The following WFDC11 variants were observed in gnomAD, a reference collection of about 807,000 sequenced individuals.
WFDC11 encodes WAP four-disulfide core domain 11.
WFDC11 carries 9 observed loss-of-function variants against 9.9 expected under a neutral mutation model. The observed-to-expected ratio is 0.91, with a 90% CI of 0.55 to 1.58. WFDC11 has a LOEUF of 1.58. Among genes scored for constraint, WFDC11 ranks in the 40% most tolerant of loss-of-function variants. The pLI is 0.00. For synonymous variants in WFDC11, 32 were observed against 33.3 expected (o/e 0.96, Z 0.13); for missense variants, 106 against 101.7 (o/e 1.04, Z -0.18).
At chr20:45,652,369 G>T (rs991205606) in intron 2 of WFDC11, among the ~76,000 whole-genome samples, 1 of 152,164 alleles carries the variant, frequency 6.6e-6, no homozygotes, top group African/African-American at 2.4e-5. Context: ...TGCAGCTGAG[G>T]GTCCTGACTG....
At chr20:45,654,266 G>C (rs566947696) in intron 2 of WFDC11, among the ~76,000 whole-genome samples, 1 of 152,282 alleles carries the variant, frequency 6.6e-6, no homozygotes, top group African/African-American at 2.4e-5. Flanking sequence ...TAGAACTCAG[G>C]ATTAAGAAAC....
chr20:45,651,027 A>G (rs1982794278), intron 2 of WFDC11, among the ~76,000 whole-genome samples: 1 of 152,254 alleles, frequency 6.6e-6, no homozygotes, highest in Non-Finnish European at 1.5e-5. Context: ...TATTAAGCCC[A>G]GTACCCAACA....
Position 45,667,161 on chromosome 20 carries a change from A to G in WFDC11, c.-125T>C, listed in dbSNP as rs1983203634. ...CTCTTCTTCCTTGCCTCTAGGAACCATGGAGCCCCTGCACAGTGAGTAGGT... is the reference window on the plus strand; with the variant it reads ...CTCTTCTTCCTTGCCTCTAGGAACCGTGGAGCCCCTGCACAGTGAGTAGGT... On this transcript the variant is annotated 5_prime_UTR_variant, in exon 2 of 5. The change abolishes an upstream ATG in the 5' untranslated region. Coordinates refer to ENST00000324384, the MANE Select transcript of WFDC11 (RefSeq NM_147197.2). 6.6e-6 allele frequency: 1 copy of G among 152,202 alleles called. No homozygotes were observed. The highest frequency in any genetic ancestry group is 1.5e-5 in the Non-Finnish European group (1 of 68,042). 9.4% of individuals were successfully genotyped at this position (152,202 alleles called of 1,614,324 possible).
At chr20:45,652,352 A>G (rs1194228853) in intron 2 of WFDC11, among the ~76,000 whole-genome samples, 1 of 152,234 alleles carries the variant, frequency 6.6e-6, no homozygotes, top group Non-Finnish European at 1.5e-5. Flanking sequence ...GCAAACTCCA[A>G]TAGACCTGCA....
At chr20:45,650,693 G>T (rs746218475) in intron 2 of WFDC11, 42 bp from the exon 3 acceptor site, 3 of 1,054,544 alleles carry the variant, frequency 2.8e-6, no homozygotes, top group Non-Finnish European at 4.4e-6. Context: ...GAGGTGTGAA[G>T]CAAGAGAAAG....
At chr20:45,664,240 G>A (rs1246039929) in intron 2 of WFDC11, among the ~76,000 whole-genome samples, 1 of 151,640 alleles carries the variant, frequency 6.6e-6, no homozygotes, top group Non-Finnish European at 1.5e-5. Flanking sequence ...CTAGAATTGT[G>A]ACCCCTGCTT....
At chr20:45,665,370 T>C (rs1983165512) in intron 2 of WFDC11, among the ~76,000 whole-genome samples, 1 of 152,220 alleles carries the variant, frequency 6.6e-6, no homozygotes, top group South Asian at 2.1e-4. Context: ...CATCCTCCTT[T>C]AGCTCGGAGA....
intron 2 of WFDC11, among the ~76,000 whole-genome samples, chr20:45,661,555 A>T (rs1983066087): frequency 6.6e-6 from 1 of 152,174 alleles, no homozygotes; most frequent in African/African-American, 2.4e-5. Flanking sequence ...TTTTAGGTAT[A>T]ACGTTTAAGT....
intron 2 of WFDC11, among the ~76,000 whole-genome samples, chr20:45,664,265 A>G (rs567624340): frequency 3.5e-4 from 53 of 150,818 alleles, no homozygotes; most frequent in Non-Finnish European, 7.4e-4. Flanking sequence ...TTTGCTTTCC[A>G]TTTGCTTAGT....
chr20:45,654,633 G>A (rs1982882194), intron 2 of WFDC11, among the ~76,000 whole-genome samples: 1 of 152,108 alleles, frequency 6.6e-6, no homozygotes, highest in African/African-American at 2.4e-5. Flanking sequence ...AAAAATCAAT[G>A]AATCCAGGAG....
intron 2 of WFDC11, among the ~76,000 whole-genome samples, chr20:45,659,672 A>G (rs1983013329): frequency 6.6e-6 from 1 of 152,048 alleles, no homozygotes; most frequent in Non-Finnish European, 1.5e-5. Flanking sequence ...TTGCCTGTTC[A>G]CTCTGATGAC....
intron 2 of WFDC11, among the ~76,000 whole-genome samples, chr20:45,666,025 C>G (rs1983180750): frequency 6.6e-6 from 1 of 152,232 alleles, no homozygotes; most frequent in African/African-American, 2.4e-5. Flanking sequence ...GCCCTGCCCA[C>G]AGTGGTGGTG....
intron 2 of WFDC11, among the ~76,000 whole-genome samples, chr20:45,653,365 G>A (rs1332358771): frequency 6.6e-6 from 1 of 152,014 alleles, no homozygotes; most frequent in Non-Finnish European, 1.5e-5. Flanking sequence ...ATACTTTATA[G>A]ACAAGCAAAT....
At chr20:45,669,435 T>G (rs1983252230) in intron 1 of WFDC11, among the ~76,000 whole-genome samples, 1 of 152,186 alleles carries the variant, frequency 6.6e-6, no homozygotes, top group South Asian at 2.1e-4. Flanking sequence ...ATCTACTAAG[T>G]GTGTGACAGC....
chr20:45,666,281 G>A (rs148069397), intron 2 of WFDC11, among the ~76,000 whole-genome samples: 3 of 152,240 alleles, frequency 2.0e-5, no homozygotes, highest in Non-Finnish European at 2.9e-5. Context: ...CTTGGGAAAA[G>A]CACAGTATTT....
intron 2 of WFDC11, 86 bp from the exon 3 acceptor site, chr20:45,650,737 A>G (rs1982788918): frequency 5.5e-6 from 4 of 732,054 alleles, no homozygotes; most frequent in South Asian, 1.7e-5. Flanking sequence ...TTATCTTCTC[A>G]CTATTCCCCC....
At chr20:45,655,262 G>A (rs1309311265) in intron 2 of WFDC11, among the ~76,000 whole-genome samples, 1 of 152,176 alleles carries the variant, frequency 6.6e-6, no homozygotes. Context: ...TCCCTGGGAT[G>A]CAAGGCTGGT....
intron 2 of WFDC11, among the ~76,000 whole-genome samples, chr20:45,653,704 C>T (rs1982860145): frequency 6.6e-6 from 1 of 152,174 alleles, no homozygotes; most frequent in Non-Finnish European, 1.5e-5. Flanking sequence ...TGCAGAGACA[C>T]ACATACGCTC....
rs752103285 is a variant in WFDC11, at chr20:45,649,376, A to T, written c.124T>A (p.Cys42Ser). 6.2e-7 allele frequency: 1 copy of T among 1,614,102 alleles called. No homozygotes were observed. The highest frequency in any genetic ancestry group is 8.5e-7 in the Non-Finnish European group (1 of 1,180,026). ...TCTTTGACATTTGGCTTTCCCCAGC[A>T]TTCTTCAAGTAACAATTCCTTCCCT... ...YDRKELLLEE[C>S]WGKPNVKECT... is the part of the protein sequence containing the mutation. Residue 42 changes from cysteine (C) to serine (S), a missense_variant, in exon 4 of 5, where the codon TGC becomes AGC. Cys to Ser is a moderately radical substitution (Grantham distance 112, BLOSUM62 -1). Coordinates refer to ENST00000324384, the MANE Select transcript of WFDC11 (RefSeq NM_147197.2).
Sources: allele counts gnomAD v4.1 joint callset (sites outside exome capture counted in the v4.1 genomes callset), GRCh38; gene constraint gnomAD v4.1.1; transcripts MANE v1.5; gene names NCBI Gene and HGNC (gene_info 2026-07-23, HGNC 2026-07-21).